Variants in TTBK2 observed in about 807,000 individuals in gnomAD.
TTBK2 encodes tau tubulin kinase 2.
Under a neutral mutation model 110.8 loss-of-function variants are expected in TTBK2, and 28 were observed. The observed-to-expected ratio is 0.25, with a 90% confidence interval of 0.19 to 0.35. TTBK2 has a LOEUF of 0.35. Among genes scored for constraint, TTBK2 ranks in the 10% least tolerant of loss-of-function variants. TTBK2 has a pLI of 1.00. For synonymous variants in TTBK2, 532 were observed against 527.3 expected, an observed-to-expected ratio of 1.01 and a Z score of -0.12; for missense variants, 1,369 against 1,500.3, an observed-to-expected ratio of 0.91 and a Z score of 1.45.
At chr15:42,761,324 T>C (rs58548142) in intron 13 of TTBK2, among the ~76,000 whole-genome samples, 9,112 of 152,162 alleles carry the variant, frequency 0.06, 631 homozygotes, top group African/African-American at 0.18. Flanking sequence ...AAAAATAAAC[T>C]GGATTATATC....
intron 11 of TTBK2, among the ~76,000 whole-genome samples, chr15:42,780,978 C>A (rs1043831369): frequency 6.6e-6 from 1 of 151,970 alleles, no homozygotes; most frequent in Admixed American, 6.6e-5. Flanking sequence ...AATAAATACA[C>A]AAATACAATA....
At chr15:42,909,732 GC>G (rs1391580793) in intron 1 of TTBK2, among the ~76,000 whole-genome samples, 1 of 152,090 alleles carries the variant, frequency 6.6e-6, no homozygotes, top group African/African-American at 2.4e-5. Context: ...CACAATATGA[GC>G]CCTTTTACAT....
chr15:42,774,401 A>G (rs151292033), intron 13 of TTBK2, among the ~76,000 whole-genome samples: 1 of 152,262 alleles, frequency 6.6e-6, no homozygotes, highest in East Asian at 1.9e-4. Flanking sequence ...TCCTCCTCAC[A>G]CAGTCACCAG....
At chr15:42,783,760 G>C in intron 10 of TTBK2, 125 bp from the exon 11 acceptor site, 1 of 664,872 alleles carries the variant, frequency 1.5e-6, no homozygotes, top group Non-Finnish European at 2.4e-6. Context: ...AAAAAAAAAA[G>C]CACCTTGAAA....
At chr15:42,799,570 C>T (rs1157799270) in intron 9 of TTBK2, among the ~76,000 whole-genome samples, 2 of 152,024 alleles carry the variant, frequency 1.3e-5, no homozygotes, top group Admixed American at 1.3e-4. Flanking sequence ...GTAGCTGACA[C>T]TATAGACATG....
intron 1 of TTBK2, among the ~76,000 whole-genome samples, chr15:42,890,806 T>C (rs893761977): frequency 2.9e-4 from 44 of 152,166 alleles, no homozygotes; most frequent in Admixed American, 2.4e-3. Context: ...GGAAAAGAGT[T>C]ACTAGTGATT....
chr15:42,848,710 G>A (rs748361262), intron 3 of TTBK2, among the ~76,000 whole-genome samples: 11 of 152,066 alleles, frequency 7.2e-5, no homozygotes, highest in Non-Finnish European at 1.5e-4. Context: ...GGCTGGTCTC[G>A]AACTCCTGAC....
chr15:42,816,961 TA>T, intron 7 of TTBK2, 70 bp downstream of exon 7: 2 of 828,922 alleles, frequency 2.4e-6, no homozygotes, highest in East Asian at 6.2e-5. Flanking sequence ...AATAATAAAA[TA>T]AAAAAGAAGT....
chr15:42,813,365 TACA>T (rs778026303), intron 7 of TTBK2, among the ~76,000 whole-genome samples: 1 of 149,552 alleles, frequency 6.7e-6, no homozygotes, highest in Non-Finnish European at 1.5e-5. Flanking sequence ...CTACAAAAAA[TACA>T]AAAATTAGCC....
chr15:42,865,524 A>AAC (rs1567067068), intron 3 of TTBK2, among the ~76,000 whole-genome samples: 1 of 88,994 alleles, frequency 1.1e-5, no homozygotes, highest in African/African-American at 6.7e-5. Flanking sequence ...AAAAAAAAAA[A>AAC]AAAAACCAAC....
intron 9 of TTBK2, among the ~76,000 whole-genome samples, chr15:42,798,787 C>T (rs1477412346): frequency 3.3e-5 from 5 of 151,998 alleles, no homozygotes; most frequent in Non-Finnish European, 7.4e-5. Flanking sequence ...CAATTATCTT[C>T]GGGAAAGTGA....
In TTBK2 at chr15:42,752,485, A is replaced by G. The variant is rs751008854; in HGVS notation, c.2761T>C (p.Ser921Pro). The G allele has an allele frequency of 1.2e-6, 2 of 1,614,208 alleles. No individual in the cohort carries two copies. The highest frequency in any genetic ancestry group is 1.6e-4 in the Middle Eastern group (1 of 6,062). The part of the protein sequence containing the change: ...PRNGELFHCV[S>P]ENEHGAPTRK... ...GTTGGGGCACCATGTTCATTCTCTGAAACACAATGAAATAGTTCTCCATTT... is the reference window on the plus strand; with the variant it reads ...GTTGGGGCACCATGTTCATTCTCTGGAACACAATGAAATAGTTCTCCATTT... Residue 921 changes from serine (S) to proline (P), a missense_variant, in exon 14 of 15, where the codon TCA becomes CCA. Physicochemically the swap from Ser to Pro is moderately conservative, Grantham distance 74 (BLOSUM62 -1). Coordinates refer to ENST00000267890, the MANE Select transcript of TTBK2 (RefSeq NM_173500.4).
intron 9 of TTBK2, chr15:42,801,054 T>G (rs912692631): frequency 3.9e-6 from 3 of 769,088 alleles, no homozygotes; most frequent in Non-Finnish European, 7.1e-6. Context: ...GGAGCTGGTG[T>G]GGCTGAAGGA....
chr15:42,822,513 A>G (rs1892347318), intron 6 of TTBK2, among the ~76,000 whole-genome samples: 1 of 152,196 alleles, frequency 6.6e-6, no homozygotes, highest in East Asian at 1.9e-4. Context: ...AAGTAAAAAG[A>G]ACATAGTGAA....
At chr15:42,776,097 A>G (rs1567017186) in intron 12 of TTBK2, among the ~76,000 whole-genome samples, 1 of 152,190 alleles carries the variant, frequency 6.6e-6, no homozygotes, top group African/African-American at 2.4e-5. Flanking sequence ...ATGTGCTTAC[A>G]TAACATAGCT....
At chr15:42,781,007 C>G (rs1196792572) in intron 11 of TTBK2, among the ~76,000 whole-genome samples, 1 of 151,970 alleles carries the variant, frequency 6.6e-6, no homozygotes, top group Non-Finnish European at 1.5e-5. Context: ...AAATGTAAAT[C>G]AATTAAGCTG....
chr15:42,844,143 CAAG>C (rs1480758628), intron 3 of TTBK2, among the ~76,000 whole-genome samples: 3 of 152,142 alleles, frequency 2.0e-5, no homozygotes, highest in African/African-American at 7.2e-5. Flanking sequence ...GTGCAGCAGG[CAAG>C]AAGAACCTGC....
chr15:42,892,671 C>T (rs1279453472), intron 1 of TTBK2, among the ~76,000 whole-genome samples: 1 of 132,540 alleles, frequency 7.5e-6, no homozygotes, highest in Admixed American at 8.3e-5. Flanking sequence ...TAAGACTGCA[C>T]TCTAGCCTGG....
chr15:42,751,959 A>T lies in TTBK2; in HGVS notation c.3272+15T>A. 1 of 1,614,036 alleles carries T rather than the reference A, an allele frequency of 6.2e-7. No individual in the cohort carries two copies. Among genetic ancestry groups the T allele is most frequent in the East Asian group, 2.2e-5 (1 of 44,884 alleles). ...GGTGTTACACACTTAACACAGGGAG[A>T]GCACACAGCATTACCTGGCTTCTAC... On this transcript the variant is annotated intron_variant, in intron 14 of 14. Coordinates refer to ENST00000267890, the MANE Select transcript of TTBK2 (RefSeq NM_173500.4).
Sources: gnomAD v4.1 joint callset for allele counts (sites outside exome capture counted in the v4.1 genomes callset) on GRCh38, gnomAD v4.1.1 for gene constraint, MANE v1.5 for transcripts, NCBI Gene and HGNC (gene_info 2026-07-23, HGNC 2026-07-21) for gene names.